FAT1: variants seen among roughly 807,000 people sequenced by gnomAD.
FAT1 encodes the protein protocadherin Fat 1.
FAT1 carries 171 observed loss-of-function variants against 329.8 expected under a neutral mutation model. The observed-to-expected ratio is 0.52, with a 90% CI of 0.46 to 0.59. The LOEUF (loss-of-function observed/expected upper bound fraction) is 0.59, where lower values mean the gene tolerates loss of function less well. Ranked by LOEUF, FAT1 falls within the 20% of genes least tolerant of loss-of-function variation. The probability of loss-of-function intolerance (pLI) is 0.00; values close to 1 mark genes in which losing one functional copy is unlikely to be tolerated. For synonymous variants in FAT1, 2,233 were observed against 2,228.6 expected, an observed-to-expected ratio of 1.00 and a Z score of -0.06; for missense variants, 5,672 against 5,774.4, an observed-to-expected ratio of 0.98 and a Z score of 0.57.
At chr4:186,701,287 A>T (rs1318636823) in intron 2 of FAT1, among the ~76,000 whole-genome samples, 1 of 152,014 alleles carries the variant, frequency 6.6e-6, no homozygotes, top group Non-Finnish European at 1.5e-5. Flanking sequence ...ACTCAGAATC[A>T]CACACACACA....
At chr4:186,632,902 T>G (rs532185793) in intron 7 of FAT1, among the ~76,000 whole-genome samples, 1 of 152,352 alleles carries the variant, frequency 6.6e-6, no homozygotes, top group Non-Finnish European at 1.5e-5. Context: ...GCCTTTAGCT[T>G]CTGCCATCCC....
chr4:186,603,627 T>C lies in FAT1; in HGVS notation c.10899A>G (p.Gln3633=), dbSNP rs1437771634. Residue 3633 remains glutamine (Q), a synonymous_variant, in exon 19 of 27, where the codon CAA becomes CAG. Transcript: ENST00000441802. ...TGTGGTTCAACATCTCCTGTGTGACTTGTCTGATATGCACTGTGATGTCGG... is the reference window on the plus strand; with the variant it reads ...TGTGGTTCAACATCTCCTGTGTGACCTGTCTGATATGCACTGTGATGTCGG... ...TVADITVHIR[Q]VTQEMLNHTI... 1.3e-5 allele frequency: 21 copies of C among 1,613,906 alleles called. No individual in the cohort carries two copies. Among genetic ancestry groups the C allele is most frequent in the South Asian group, 3.3e-5 (3 of 91,086 alleles).
At chr4:186,674,949 G>A (rs1037000306) in intron 2 of FAT1, among the ~76,000 whole-genome samples, 1 of 152,078 alleles carries the variant, frequency 6.6e-6, no homozygotes, top group Non-Finnish European at 1.5e-5. Context: ...CAGGGGCATC[G>A]CTTGAGCCTG....
chr4:186,611,327 A>G (rs563818299), intron 14 of FAT1, 59 bp downstream of exon 14: 8 of 1,502,108 alleles, frequency 5.3e-6, no homozygotes, highest in Non-Finnish European at 6.3e-6. Flanking sequence ...AACGTGGTTA[A>G]GCAAATCTAG....
intron 3 of FAT1, among the ~76,000 whole-genome samples, chr4:186,640,746 A>C (rs1481981382): frequency 6.6e-6 from 1 of 152,232 alleles, no homozygotes; most frequent in Non-Finnish European, 1.5e-5. Context: ...CTGTCTGCAT[A>C]TTTTGGAACT....
At chr4:186,642,453 G>A (rs553328776) in intron 3 of FAT1, among the ~76,000 whole-genome samples, 4 of 152,266 alleles carry the variant, frequency 2.6e-5, no homozygotes, top group Non-Finnish European at 4.4e-5. Context: ...ACACTTAAAC[G>A]TGTGAACATG....
intron 1 of FAT1, among the ~76,000 whole-genome samples, chr4:186,710,451 G>C (rs533048742): frequency 6.6e-6 from 1 of 152,048 alleles, no homozygotes; most frequent in South Asian, 2.1e-4. Context: ...ATAATGTAAG[G>C]GTTTATTGTC....
chr4:186,616,278 G>T (rs1001915232), intron 11 of FAT1, among the ~76,000 whole-genome samples: 6 of 152,044 alleles, frequency 3.9e-5, no homozygotes, highest in African/African-American at 9.7e-5. Flanking sequence ...CCCTTGGAAC[G>T]ACCGCCACTG....
At position 186,636,242 on chromosome 4, in the gene FAT1, C is replaced by A; in HGVS notation, c.3973-7G>T. On this transcript the variant is annotated splice_polypyrimidine_tract_variant and splice_region_variant and intron_variant, in intron 5 of 26. Coordinates refer to ENST00000441802, the MANE Select transcript of FAT1 (RefSeq NM_005245.4). ...CATTGTCAACTGCCTTAATCTACAA[C>A]ATTTGGGCAGAGGGGATTAAAAACA... 1 of 1,612,616 alleles carries A rather than the reference C, an allele frequency of 6.2e-7. No individual in the cohort carries two copies. Among genetic ancestry groups the A allele is most frequent in the Non-Finnish European group, 8.5e-7 (1 of 1,178,664 alleles).
Position 186,601,295 on chromosome 4 carries a change from G to A in FAT1, c.11614C>T (p.Arg3872Ter), listed in dbSNP as rs1342860045. The A allele has an allele frequency of 1.9e-6, 3 of 1,606,372 alleles. No individual in the cohort carries two copies. The highest frequency in any genetic ancestry group is 2.6e-6 in the Non-Finnish European group (3 of 1,173,886). ...YSTHAVVMYA[R>*]GTDYSILEIH... ...TCCAAGATGCTATAGTCAGTTCCTC[G>A]AGCATACATGACAACCGCATGCGTG... The change falls in exon 21 of 27, where the codon CGA becomes TGA. Residue 3872 changes from arginine to a stop codon, truncating the protein, a stop_gained. Transcript: ENST00000441802. LOFTEE classifies it high-confidence loss of function.
intron 3 of FAT1, among the ~76,000 whole-genome samples, chr4:186,654,511 A>G (rs1741813006): frequency 6.6e-6 from 1 of 152,210 alleles, no homozygotes; most frequent in African/African-American, 2.4e-5. Context: ...CAGGCATGAG[A>G]CAGCTGATGG....
chr4:186,623,881 G>T (rs374970203), intron 9 of FAT1, among the ~76,000 whole-genome samples: 1 of 152,098 alleles, frequency 6.6e-6, no homozygotes, highest in Non-Finnish European at 1.5e-5. Context: ...CTATTATCTG[G>T]GGCATCATGA....
At chr4:186,682,253 G>A (rs759035729) in intron 2 of FAT1, among the ~76,000 whole-genome samples, 7 of 152,088 alleles carry the variant, frequency 4.6e-5, no homozygotes, top group Non-Finnish European at 7.4e-5. Flanking sequence ...TTAGCCGGGC[G>A]CGGTGGCTCA....
chr4:186,660,506 A>T (rs533002607), intron 3 of FAT1, among the ~76,000 whole-genome samples: 1 of 152,186 alleles, frequency 6.6e-6, no homozygotes, highest in Non-Finnish European at 1.5e-5. Context: ...CTGTGTACTA[A>T]CTATGGTATC....
intron 13 of FAT1, 71 bp from the exon 14 acceptor site, chr4:186,611,846 T>C: frequency 8.4e-7 from 1 of 1,184,222 alleles, no homozygotes. Flanking sequence ...TTTTTTGAGA[T>C]GGAGTCTCCC....
At chr4:186,669,146 T>C (rs947042049) in intron 2 of FAT1, among the ~76,000 whole-genome samples, 1 of 152,070 alleles carries the variant, frequency 6.6e-6, no homozygotes, top group Admixed American at 6.5e-5. Flanking sequence ...CCCTCTGCGC[T>C]CCCCTCCTTC....
chr4:186,674,431 C>A (rs1049435452), intron 2 of FAT1, among the ~76,000 whole-genome samples: 1 of 152,158 alleles, frequency 6.6e-6, no homozygotes, highest in Admixed American at 6.5e-5. Flanking sequence ...CACATAAAAC[C>A]AGAGGGTACT....
intron 26 of FAT1, among the ~76,000 whole-genome samples, chr4:186,591,479 TCAA>T (rs1325313315): frequency 6.6e-6 from 1 of 152,214 alleles, no homozygotes; most frequent in Non-Finnish European, 1.5e-5. Flanking sequence ...CAAAAAAAGA[TCAA>T]CAACTTTTGT....
chr4:186,723,585 C>G (rs1294689398), intron 1 of FAT1, 79 bp downstream of exon 1: 1 of 152,174 alleles, frequency 6.6e-6, no homozygotes, highest in Admixed American at 6.5e-5. Context: ...GGGGACCGGG[C>G]GGACACCCAC....
Sources: allele counts gnomAD v4.1 joint callset (sites outside exome capture counted in the v4.1 genomes callset), GRCh38; gene constraint gnomAD v4.1.1; transcripts MANE v1.5; gene names NCBI Gene and HGNC (gene_info 2026-07-23, HGNC 2026-07-21).